NAP1L4: variants seen among roughly 807,000 people sequenced by gnomAD.
NAP1L4 encodes nucleosome assembly protein 1-like 4.
A neutral mutation model predicts 58.2 loss-of-function variants in NAP1L4; 15 were observed. That is an observed-to-expected ratio of 0.26 (90% CI 0.17 to 0.40). The LOEUF (loss-of-function observed/expected upper bound fraction) is 0.40, where lower values mean the gene tolerates loss of function less well. NAP1L4 is among the 10% of genes least tolerant of loss of function. NAP1L4 has a pLI of 1.00. For synonymous variants in NAP1L4, 171 were observed against 155.6 expected, an observed-to-expected ratio of 1.10 and a Z score of -0.74; for missense variants, 384 against 451.1, an observed-to-expected ratio of 0.85 and a Z score of 1.35.
chr11:2,988,764 A>G lies in NAP1L4; in HGVS notation c.-18+3490T>C, dbSNP rs557437710. Among the ~76,000 whole-genome samples the G allele has an allele frequency of 3.3e-5, 5 of 152,344 alleles. No individual in the cohort carries two copies. The South Asian group carries it at 1.0e-3, about 32-fold the overall frequency. The stretch of plus-strand genomic sequence containing the variant: ...ATACATTTCGTTTTTAACAGTTAAC[A>G]GGGGATACTTGTAAGAAACTTAAGG... On this transcript the variant is annotated intron_variant, in intron 1 of 15. Coordinates refer to ENST00000380542, the MANE Select transcript of NAP1L4 (RefSeq NM_005969.4).
intron 8 of NAP1L4, among the ~76,000 whole-genome samples, chr11:2,961,746 G>T (rs1324903169): frequency 6.6e-6 from 1 of 152,112 alleles, no homozygotes; most frequent in Non-Finnish European, 1.5e-5. Context: ...TGCCCAGGCT[G>T]GTCTTGAACT....
intron 1 of NAP1L4, chr11:2,990,841 A>G (rs187749388): frequency 3.8e-6 from 1 of 260,148 alleles, no homozygotes; most frequent in Non-Finnish European, 8.0e-6. Context: ...CCTGGTGCGC[A>G]GTGCAGGTAT....
chr11:2,961,499 C>CT (rs1846903401), intron 8 of NAP1L4, among the ~76,000 whole-genome samples: 1 of 113,520 alleles, frequency 8.8e-6, no homozygotes, highest in African/African-American at 3.5e-5. Context: ...CCCTCCACGG[C>CT]TTAAAAAAAA....
chr11:2,973,191 C>T (rs1487084524), intron 4 of NAP1L4, among the ~76,000 whole-genome samples: 2 of 152,232 alleles, frequency 1.3e-5, no homozygotes, highest in Non-Finnish European at 1.5e-5. Context: ...ACAGGCAACA[C>T]AACTTTGTCC....
rs1408530226 is a variant in NAP1L4 at position 2,959,755 on chromosome 11, A to G, written c.746+15T>C. Reference sequence around the variant, plus strand: ...TTTTGTTTCAGAAAAACAAGGTAGAATGACATTTTCTTACCCGTCACAGTC... The same window carrying G: ...TTTTGTTTCAGAAAAACAAGGTAGAGTGACATTTTCTTACCCGTCACAGTC... On this transcript the variant is annotated intron_variant, in intron 9 of 15. Transcript: ENST00000380542. The surrounding 1 kb of genome is among the most constrained non-coding windows in gnomAD (Gnocchi z 4.9). The G allele has an allele frequency of 6.2e-7, 1 of 1,609,702 alleles. No homozygotes were observed. Among genetic ancestry groups the G allele is most frequent in the Admixed American group, 1.7e-5 (1 of 58,974 alleles).
Position 2,949,079 on chromosome 11 carries a change from G to A in NAP1L4, c.*32+148C>T. The A allele has an allele frequency of 1.7e-6, 1 of 604,156 alleles. No individual in the cohort carries two copies. The highest frequency in any genetic ancestry group is 2.6e-5 in the South Asian group (1 of 38,096). 37.4% of individuals were successfully genotyped at this position (604,156 alleles called of 1,614,324 possible). Reference sequence around the variant, plus strand: ...TAGGTTTGGTTCGTTGATTTTAAAAGTACATGTAACAGACACCTATGTCAA... The same window carrying A: ...TAGGTTTGGTTCGTTGATTTTAAAAATACATGTAACAGACACCTATGTCAA... On this transcript the variant is annotated intron_variant, in intron 15 of 15. Coordinates refer to ENST00000380542, the MANE Select transcript of NAP1L4 (RefSeq NM_005969.4). This position sits in a 1 kb window ranked among gnomAD's most constrained non-coding sequence, Gnocchi z 4.0.
chr11:2,959,586 C>T lies in NAP1L4; in HGVS notation c.746+184G>A, dbSNP rs1440586132. ...CATTTCCCAGGTTCAGCCGCCATCT[C>T]CAAGTTCTGCACTATGAGCATTCCC... On this transcript the variant is annotated intron_variant, in intron 9 of 15. Transcript: ENST00000380542. The surrounding 1 kb of genome is among the most constrained non-coding windows in gnomAD (Gnocchi z 4.9). Among the ~76,000 whole-genome samples, 3 of 152,232 alleles carry T rather than the reference C, an allele frequency of 2.0e-5. No homozygotes were observed. The highest frequency in any genetic ancestry group is 2.9e-5 in the Non-Finnish European group (2 of 68,046).
chr11:2,967,256 C>T (rs1481181724), intron 7 of NAP1L4, among the ~76,000 whole-genome samples: 1 of 152,048 alleles, frequency 6.6e-6, no homozygotes, highest in Non-Finnish European at 1.5e-5. Context: ...CATAGCAAGA[C>T]CATGTCCCTT....
chr11:2,991,439 AT>A lies in NAP1L4; in HGVS notation c.-18+814del, dbSNP rs796973054. On this transcript the variant is annotated intron_variant, in intron 1 of 15. Transcript: ENST00000380542. The stretch of plus-strand genomic sequence containing the variant: ...CACTTTCCCATCCATAACATGTACA[AT>A]TTTTTTTTTTGGAGATTTTGCTTTT... The A allele has an allele frequency of 3.7e-3, 631 of 169,134 alleles. 1 individual carries two copies. The highest frequency in any genetic ancestry group is 0.014 in the South Asian group (126 of 9,204). The allele number at this position is 169,134 out of a possible 1,614,324, so 10.5% of individuals were successfully genotyped here. A position where few individuals can be genotyped will look rare whatever the true frequency, so the allele number is the denominator to read the frequency against.
intron 9 of NAP1L4, 93 bp from the exon 10 acceptor site, chr11:2,958,637 A>G (rs1222131336): frequency 3.0e-6 from 4 of 1,320,426 alleles, no homozygotes; most frequent in East Asian, 4.8e-5. Flanking sequence ...TCTATGCCAA[A>G]CCTGGAAAAC....
chr11:2,960,105 T>C (rs1846779719), intron 8 of NAP1L4, 196 bp from the exon 9 acceptor site: 1 of 572,034 alleles, frequency 1.7e-6, no homozygotes, highest in African/African-American at 1.9e-5. Context: ...GCGGGAAATA[T>C]CTGTTCAGTT....
At chr11:2,960,663 G>C (rs1056608060) in intron 8 of NAP1L4, among the ~76,000 whole-genome samples, 25 of 152,146 alleles carry the variant, frequency 1.6e-4, no homozygotes, top group African/African-American at 5.3e-4. Context: ...CTCATGTACT[G>C]TCGACAGATT....
At chr11:2,975,518 G>A (rs2133985133) in intron 4 of NAP1L4, among the ~76,000 whole-genome samples, 1 of 151,952 alleles carries the variant, frequency 6.6e-6, no homozygotes, top group African/African-American at 2.4e-5. Context: ...ACCAATTGAG[G>A]CCATGAGTTC....
At chr11:2,988,383 C>A (rs1848772164) in intron 1 of NAP1L4, among the ~76,000 whole-genome samples, 1 of 152,208 alleles carries the variant, frequency 6.6e-6, no homozygotes, top group Non-Finnish European at 1.5e-5. Context: ...TACTCCTCTG[C>A]ACTGTTTTTC....
rs1345609725 is a variant in NAP1L4 at position 2,948,750 on chromosome 11, T to C, written c.*32+477A>G. 6.6e-6 allele frequency among the ~76,000 whole-genome samples: 1 copy of C among 152,254 alleles called. No individual in the cohort carries two copies. Among genetic ancestry groups the C allele is most frequent in the African/African-American group, 2.4e-5 (1 of 41,464 alleles). On this transcript the variant is annotated intron_variant, in intron 15 of 15. Transcript: ENST00000380542. The surrounding 1 kb of genome is among the most constrained non-coding windows in gnomAD (Gnocchi z 5.1). ...AAGCTGTTACCCCTCTGTGTACCTA[T>C]TGGTCTGCACAAAACATGAATTCAA...
intron 9 of NAP1L4, 147 bp from the exon 10 acceptor site, chr11:2,958,691 T>C: frequency 5.5e-6 from 4 of 726,864 alleles, no homozygotes; most frequent in Non-Finnish European, 4.4e-6. Flanking sequence ...GCCCATGAAG[T>C]TCATCTGGAG....
chr11:2,960,426 A>G (rs1846811102), intron 8 of NAP1L4, among the ~76,000 whole-genome samples: 2 of 152,166 alleles, frequency 1.3e-5, no homozygotes, highest in Admixed American at 6.5e-5. Context: ...CAAGGACAGA[A>G]AGCTCATCCC....
At chr11:2,984,156 G>GT (rs1262565935) in intron 1 of NAP1L4, among the ~76,000 whole-genome samples, 1 of 100,138 alleles carries the variant, frequency 1.0e-5, no homozygotes, top group Non-Finnish European at 1.8e-5. Flanking sequence ...AACAGAGCAA[G>GT]ACCCTGCCTC....
At chr11:2,947,130 T>A (rs1442172873) in intron 15 of NAP1L4, among the ~76,000 whole-genome samples, 4 of 152,134 alleles carry the variant, frequency 2.6e-5, no homozygotes, top group Admixed American at 6.5e-5. Flanking sequence ...AGATTGAGCA[T>A]CCCAAATCCC....
Sources: gnomAD v4.1 joint callset for allele counts (sites outside exome capture counted in the v4.1 genomes callset) on GRCh38, gnomAD v4.1.1 for gene constraint, Gnocchi (gnomAD v3.1) non-coding constraint, MANE v1.5 for transcripts, NCBI Gene and HGNC (gene_info 2026-07-23, HGNC 2026-07-21) for gene names.